Variants in NEK11 observed in about 807,000 individuals in gnomAD.
The protein encoded by NEK11 is serine/threonine-protein kinase Nek11.
A neutral mutation model predicts 80.7 loss-of-function variants in NEK11; 72 were observed. The ratio of observed to expected loss-of-function variants is 0.89; its 90% CI spans 0.74 to 1.08. The LOEUF (loss-of-function observed/expected upper bound fraction) is 1.08, where lower values mean the gene tolerates loss of function less well. NEK11 is among the 50% of genes least tolerant of loss of function. The pLI is 0.00. For synonymous variants in NEK11, 251 were observed against 260.7 expected, an observed-to-expected ratio of 0.96 and a Z score of 0.36; for missense variants, 764 against 763.6, an observed-to-expected ratio of 1.00 and a Z score of -0.01.
Position 131,255,127 on chromosome 3 carries a change from A to AG in NEK11, c.1621+11632dup, listed in dbSNP as rs1553966689. On this transcript the variant is annotated intron_variant, in intron 16 of 17. Coordinates refer to ENST00000383366, the MANE Select transcript of NEK11 (RefSeq NM_024800.5). ...AAGAAAGAAAGAAAGAAAGAAAGAA[A>AG]GAGAGAAAGAACAGCTAATTTCCCA... Among the ~76,000 whole-genome samples, 232 of 148,116 alleles carry AG rather than the reference A, an allele frequency of 1.6e-3. 1 individual carries two copies. In the East Asian group the frequency reaches 0.027, roughly 17 times the overall value.
In NEK11 at chr3:131,102,828, T is replaced by C. The variant is rs147977585; in HGVS notation, c.337-6975T>C. ...CATTGAGTCATAGATTTGGTCTCTT[T>C]ATATAATCCTATATTTATCAGAAGT... On this transcript the variant is annotated intron_variant, in intron 4 of 17. Coordinates refer to ENST00000383366, the MANE Select transcript of NEK11 (RefSeq NM_024800.5). 2.2e-3 allele frequency among the ~76,000 whole-genome samples: 330 copies of C among 152,352 alleles called. 1 individual carries two copies. The highest frequency in any genetic ancestry group is 7.7e-3 in the African/African-American group (321 of 41,590).
intron 17 of NEK11, among the ~76,000 whole-genome samples, chr3:131,321,267 A>G (rs975018697): frequency 2.6e-5 from 4 of 152,194 alleles, no homozygotes; most frequent in African/African-American, 9.6e-5. Context: ...CTCCCTATTC[A>G]ATAAATGGTG....
At chr3:131,184,816 A>G (rs2093531339) in intron 14 of NEK11, 2 of 588,782 alleles carry the variant, frequency 3.4e-6, no homozygotes, top group African/African-American at 3.8e-5. Context: ...TAGCTGTTGC[A>G]TCTTTCTTTA....
intron 14 of NEK11, among the ~76,000 whole-genome samples, chr3:131,177,172 A>G (rs772172257): frequency 2.0e-5 from 3 of 152,238 alleles, no homozygotes; most frequent in Non-Finnish European, 4.4e-5. Context: ...CTTGGAGAAC[A>G]TTGTTATGAT....
chr3:131,309,334 C>T (rs1183304526), intron 17 of NEK11, among the ~76,000 whole-genome samples: 1 of 152,082 alleles, frequency 6.6e-6, no homozygotes, highest in Non-Finnish European at 1.5e-5. Context: ...AGAAACAAAG[C>T]AACATAAGCT....
At chr3:131,269,019 C>T (rs1191022631) in intron 16 of NEK11, among the ~76,000 whole-genome samples, 6 of 152,218 alleles carry the variant, frequency 3.9e-5, no homozygotes, top group East Asian at 1.9e-4. Context: ...TGCCAAGCTG[C>T]GGTGGGCTCT....
At chr3:131,038,633 CAGTT>C (rs2065994501) in intron 3 of NEK11, among the ~76,000 whole-genome samples, 1 of 152,132 alleles carries the variant, frequency 6.6e-6, no homozygotes. Flanking sequence ...AAGAAGACAA[CAGTT>C]AGGAAGAAGG....
intron 15 of NEK11, among the ~76,000 whole-genome samples, chr3:131,240,436 T>C (rs1011216276): frequency 6.6e-6 from 1 of 152,176 alleles, no homozygotes; most frequent in African/African-American, 2.4e-5. Context: ...AGAAACAAAC[T>C]GTCAGAAAAG....
chr3:131,277,303 A>G (rs2096310208), intron 17 of NEK11, among the ~76,000 whole-genome samples: 1 of 152,198 alleles, frequency 6.6e-6, no homozygotes, highest in South Asian at 2.1e-4. Context: ...TTATATCCAT[A>G]AGTATTTAAA....
intron 17 of NEK11, among the ~76,000 whole-genome samples, chr3:131,333,699 C>T (rs1173340174): frequency 2.6e-5 from 4 of 152,270 alleles, no homozygotes; most frequent in Non-Finnish European, 5.9e-5. Flanking sequence ...CAAGACCCAT[C>T]AGTGTGCTGT....
intron 5 of NEK11, among the ~76,000 whole-genome samples, chr3:131,114,588 C>G (rs923979018): frequency 6.6e-6 from 1 of 152,274 alleles, no homozygotes; most frequent in East Asian, 1.9e-4. Flanking sequence ...TGACAATCAT[C>G]CAGTCTGCTC....
intron 3 of NEK11, among the ~76,000 whole-genome samples, chr3:131,059,628 G>A (rs1022965913): frequency 1.3e-5 from 2 of 152,128 alleles, no homozygotes; most frequent in Non-Finnish European, 2.9e-5. Flanking sequence ...AAGTATATGC[G>A]TTTAATGGAC....
Position 131,128,066 on chromosome 3 carries a change from C to A in NEK11, c.456-4679C>A, listed in dbSNP as rs112690689. ...ATTGAGTGGAAGGTACAGAGATTTC[C>A]CTTATACCCCCTGCTCCCACACATG... On this transcript the variant is annotated intron_variant, in intron 5 of 17. Transcript: ENST00000383366. Among the ~76,000 whole-genome samples the A allele has an allele frequency of 2.5e-3, 388 of 152,184 alleles. 1 individual carries two copies. Among genetic ancestry groups the A allele is most frequent in the African/African-American group, 8.7e-3 (363 of 41,502 alleles).
intron 3 of NEK11, among the ~76,000 whole-genome samples, chr3:131,060,362 G>C (rs2070626523): frequency 2.0e-5 from 3 of 152,150 alleles, no homozygotes; most frequent in Admixed American, 2.0e-4. Flanking sequence ...CTTGTTAACT[G>C]GCTCTGGTTG....
intron 14 of NEK11, among the ~76,000 whole-genome samples, chr3:131,216,501 G>A (rs1211060732): frequency 6.6e-6 from 1 of 152,242 alleles, no homozygotes; most frequent in Non-Finnish European, 1.5e-5. Context: ...GGAGATGATT[G>A]CAGAGCTGAG....
At chr3:131,057,106 C>T (rs1278072678) in intron 3 of NEK11, among the ~76,000 whole-genome samples, 7 of 135,496 alleles carry the variant, frequency 5.2e-5, no homozygotes, top group Admixed American at 8.8e-5. Context: ...TCTCATTGTT[C>T]GATTCCCATC....
In NEK11 at chr3:131,349,280, TTA is replaced by T. The variant is rs139787642; in HGVS notation, c.1719-266_1719-265del. ...ACACATCTGTGTGTATATCTGTGTA[TTA>T]TATATATATACACACACAAGGGCAG... is the stretch of plus-strand genomic sequence containing the variant. On this transcript the variant is annotated intron_variant, in intron 17 of 17. Transcript: ENST00000383366. Among the ~76,000 whole-genome samples, 5 of 151,944 alleles carry T rather than the reference TTA, an allele frequency of 3.3e-5. No individual in the cohort carries two copies. In the East Asian group the frequency reaches 9.6e-4, roughly 29 times the overall value.
intron 5 of NEK11, among the ~76,000 whole-genome samples, chr3:131,124,843 G>GT (rs1458297762): frequency 1.3e-5 from 2 of 152,166 alleles, no homozygotes; most frequent in African/African-American, 4.8e-5. Context: ...GAGAATAGTG[G>GT]TTTATAGAGT....
Position 131,327,984 on chromosome 3 carries a change from C to T in NEK11, c.1719-21573C>T, listed in dbSNP as rs1180941635. 2.0e-5 allele frequency among the ~76,000 whole-genome samples: 3 copies of T among 152,142 alleles called. 1 individual carries two copies. Among genetic ancestry groups the T allele is most frequent in the Non-Finnish European group, 4.4e-5 (3 of 68,032 alleles). On this transcript the variant is annotated intron_variant, in intron 17 of 17. Transcript: ENST00000383366. The stretch of plus-strand genomic sequence containing the variant: ...CAGCATGTGGCACATACTAAGTGCT[C>T]ATTAAAAATGTGCTTATAGCCAAGC...
Sources: gnomAD v4.1 joint callset for allele counts (sites outside exome capture counted in the v4.1 genomes callset) on GRCh38, gnomAD v4.1.1 for gene constraint, MANE v1.5 for transcripts, NCBI Gene and HGNC (gene_info 2026-07-23, HGNC 2026-07-21) for gene names.